The following UNC5C variants were observed in gnomAD, a reference collection of about 807,000 sequenced individuals.
The protein encoded by UNC5C is netrin receptor UNC5C.
UNC5C carries 47 observed loss-of-function variants against 99.8 expected under a neutral mutation model. The observed-to-expected ratio is 0.47, with a 90% confidence interval of 0.37 to 0.60. UNC5C has a LOEUF of 0.60. Among genes scored for constraint, UNC5C ranks in the 20% least tolerant of loss-of-function variants. The pLI, the probability that UNC5C is intolerant of heterozygous loss-of-function variation, is 0.00. For missense variants in UNC5C, 1,062 were observed against 1,165.9 expected, an observed-to-expected ratio of 0.91 and a Z score of 1.30; for synonymous variants, 487 against 452.2, an observed-to-expected ratio of 1.08 and a Z score of -0.98.
intron 1 of UNC5C, among the ~76,000 whole-genome samples, chr4:95,439,383 G>GTTTTTT (rs3069229): frequency 6.9e-6 from 1 of 144,448 alleles, no homozygotes; most frequent in African/African-American, 2.5e-5. Flanking sequence ...TGAGGTTTTG[G>GTTTTTT]TTTTTTTTTT....
intron 7 of UNC5C, among the ~76,000 whole-genome samples, chr4:95,233,501 T>C (rs1738987527): frequency 6.7e-6 from 1 of 150,026 alleles, no homozygotes. Flanking sequence ...TAAATATATA[T>C]ATAAATTTGC....
intron 1 of UNC5C, among the ~76,000 whole-genome samples, chr4:95,432,194 T>C (rs1279791750): frequency 6.6e-6 from 1 of 152,114 alleles, no homozygotes; most frequent in Non-Finnish European, 1.5e-5. Flanking sequence ...GCAATGGTGC[T>C]ACGGTAAAAG....
At chr4:95,337,982 T>C (rs1170490642) in intron 1 of UNC5C, among the ~76,000 whole-genome samples, 1 of 152,014 alleles carries the variant, frequency 6.6e-6, no homozygotes, top group Admixed American at 6.6e-5. Context: ...ATTCCTGTTA[T>C]AGGCAATATG....
At chr4:95,351,644 CA>C (rs1010846113) in intron 1 of UNC5C, among the ~76,000 whole-genome samples, 19 of 151,960 alleles carry the variant, frequency 1.3e-4, no homozygotes, top group African/African-American at 4.6e-4. Flanking sequence ...ATGACCATGC[CA>C]CTGAACTCCT....
chr4:95,527,575 G>T (rs1722531156), intron 1 of UNC5C, among the ~76,000 whole-genome samples: 1 of 151,926 alleles, frequency 6.6e-6, no homozygotes, highest in Admixed American at 6.6e-5. Flanking sequence ...ACATAGTTGT[G>T]TGCATATATA....
At chr4:95,548,214 A>G (rs1037378109) in intron 1 of UNC5C, among the ~76,000 whole-genome samples, 4 of 152,110 alleles carry the variant, frequency 2.6e-5, no homozygotes, top group African/African-American at 7.2e-5. Context: ...AGTCCTTGAC[A>G]GTAATGGACA....
chr4:95,291,139 A>G (rs1454130872), intron 3 of UNC5C, among the ~76,000 whole-genome samples: 1 of 152,200 alleles, frequency 6.6e-6, no homozygotes, highest in Non-Finnish European at 1.5e-5. Flanking sequence ...ACTCCAAATG[A>G]CATCCACTAC....
At chr4:95,495,591 C>T (rs993178173) in intron 1 of UNC5C, among the ~76,000 whole-genome samples, 2 of 151,640 alleles carry the variant, frequency 1.3e-5, no homozygotes, top group Admixed American at 6.6e-5. Context: ...TCACAACAAT[C>T]TCAGTGAATA....
intron 1 of UNC5C, among the ~76,000 whole-genome samples, chr4:95,413,994 G>T (rs1023087473): frequency 3.3e-5 from 5 of 152,176 alleles, no homozygotes; most frequent in African/African-American, 9.7e-5. Flanking sequence ...AGCCAAATAT[G>T]TCAGTATCTT....
intron 1 of UNC5C, among the ~76,000 whole-genome samples, chr4:95,492,630 C>G (rs1456121651): frequency 6.6e-6 from 1 of 151,300 alleles, no homozygotes; most frequent in Non-Finnish European, 1.5e-5. Flanking sequence ...TAATTCCACA[C>G]AAAAATTCAC....
At chr4:95,349,022 A>G (rs943979376) in intron 1 of UNC5C, among the ~76,000 whole-genome samples, 4 of 151,646 alleles carry the variant, frequency 2.6e-5, no homozygotes, top group Admixed American at 6.6e-5. Flanking sequence ...GTATAAAAAC[A>G]TAGTTAGATA....
chr4:95,413,882 G>A (rs1202194227), intron 1 of UNC5C, among the ~76,000 whole-genome samples: 2 of 152,156 alleles, frequency 1.3e-5, no homozygotes, highest in Non-Finnish European at 2.9e-5. Flanking sequence ...ACAGCTCCCT[G>A]GTTGTCCTTT....
chr4:95,384,676 G>T (rs1745162553), intron 1 of UNC5C, among the ~76,000 whole-genome samples: 1 of 152,102 alleles, frequency 6.6e-6, no homozygotes, highest in African/African-American at 2.4e-5. Flanking sequence ...GACAAGTCCA[G>T]ATTTCCATTT....
chr4:95,328,173 T>G (rs1046871038), intron 2 of UNC5C, among the ~76,000 whole-genome samples: 1 of 110,870 alleles, frequency 9.0e-6, no homozygotes, highest in Admixed American at 9.8e-5. Flanking sequence ...CACTAACGTG[T>G]CATCTAGCAT....
chr4:95,170,028 G>T (rs1736025185), intron 15 of UNC5C, 126 bp downstream of exon 15: 5 of 1,294,128 alleles, frequency 3.9e-6, no homozygotes, highest in Non-Finnish European at 5.3e-6. Flanking sequence ...ATGCATATTT[G>T]CAAAATGAAA....
chr4:95,500,753 G>A (rs1020359307), intron 1 of UNC5C, among the ~76,000 whole-genome samples: 11 of 152,122 alleles, frequency 7.2e-5, no homozygotes, highest in African/African-American at 2.2e-4. Flanking sequence ...AGAAAGCTCT[G>A]TTAGCTAATA....
chr4:95,206,684 T>TG lies in UNC5C; in HGVS notation c.1845dup (p.Asn616GlnfsTer91). ...AGCAGTATTTTCCAGTCCTCGGTAT[T>TG]GGGGTCTGCGCAGTGATGCATAGTG... On this transcript the variant is annotated frameshift_variant, in exon 11 of 16. Coordinates refer to ENST00000453304, the MANE Select transcript of UNC5C (RefSeq NM_003728.4). LOFTEE classifies it high-confidence loss of function. The TG allele has an allele frequency of 1.2e-6, 2 of 1,614,090 alleles. No individual in the cohort carries two copies. Among genetic ancestry groups the TG allele is most frequent in the Non-Finnish European group, 1.7e-6 (2 of 1,180,020 alleles).
chr4:95,440,311 A>C (rs569221619), intron 1 of UNC5C, among the ~76,000 whole-genome samples: 1 of 152,306 alleles, frequency 6.6e-6, no homozygotes, highest in East Asian at 1.9e-4. Flanking sequence ...GAAGGGAATA[A>C]ATGTGGAAAA....
rs1748016353 is a variant in UNC5C at position 95,472,871 on chromosome 4, C to G, written c.124+75863G>C. 1.3e-5 allele frequency among the ~76,000 whole-genome samples: 2 copies of G among 150,814 alleles called. 1 individual carries two copies. Among genetic ancestry groups the G allele is most frequent in the South Asian group, 4.2e-4 (2 of 4,794 alleles). On this transcript the variant is annotated intron_variant, in intron 1 of 15. Transcript: ENST00000453304. ...CAATCTGTCTCATTAATGTAATTTA[C>G]AAGGATATTTGGCCCGTTCTATTGT...
Sources: gnomAD v4.1 joint callset for allele counts (sites outside exome capture counted in the v4.1 genomes callset) on GRCh38, gnomAD v4.1.1 for gene constraint, MANE v1.5 for transcripts, NCBI Gene and HGNC (gene_info 2026-07-23, HGNC 2026-07-21) for gene names.